Variants in BICC1 observed in about 807,000 individuals in gnomAD.
The protein encoded by BICC1 is protein bicaudal C homolog 1.
Under a neutral mutation model 111.0 loss-of-function variants are expected in BICC1, and 43 were observed. The observed-to-expected ratio is 0.39, with a 90% CI of 0.30 to 0.50. The LOEUF (loss-of-function observed/expected upper bound fraction) is 0.50, where lower values mean the gene tolerates loss of function less well. BICC1 is among the 20% of genes least tolerant of loss of function. BICC1 has a pLI of 0.88. For missense variants in BICC1, 1,091 were observed against 1,203.2 expected, an observed-to-expected ratio of 0.91 and a Z score of 1.38; for synonymous variants, 467 against 434.4, an observed-to-expected ratio of 1.07 and a Z score of -0.93.
At chr10:58,578,405 T>C (rs1432491001) in intron 1 of BICC1, among the ~76,000 whole-genome samples, 1 of 152,232 alleles carries the variant, frequency 6.6e-6, no homozygotes, top group Non-Finnish European at 1.5e-5. Flanking sequence ...ACATTGTATT[T>C]CAATACATCA....
At chr10:58,729,313 T>G (rs1841212993) in intron 3 of BICC1, among the ~76,000 whole-genome samples, 1 of 152,226 alleles carries the variant, frequency 6.6e-6, no homozygotes, top group Non-Finnish European at 1.5e-5. Flanking sequence ...ACTTGCTGCT[T>G]CACCTTGCAT....
chr10:58,594,103 A>C (rs992383331), intron 1 of BICC1, among the ~76,000 whole-genome samples: 3 of 151,842 alleles, frequency 2.0e-5, no homozygotes, highest in Non-Finnish European at 4.4e-5. Flanking sequence ...AGCCGAATCC[A>C]TCAAGCAGAA....
In BICC1 at chr10:58,600,331, A is replaced by T. The variant is rs572636359; in HGVS notation, c.191-20524A>T. Among the ~76,000 whole-genome samples the T allele has an allele frequency of 2.6e-5, 4 of 152,208 alleles. No individual in the cohort carries two copies. The South Asian group carries it at 8.3e-4, about 32-fold the overall frequency. ...CTGTTTATAGCCACTGAGTAGGTAC[A>T]GTTAAGCTGACTGCATTTTACGTGT... On this transcript the variant is annotated intron_variant, in intron 1 of 20. Transcript: ENST00000373886.
intron 1 of BICC1, among the ~76,000 whole-genome samples, chr10:58,611,120 C>A (rs1845404383): frequency 6.6e-6 from 1 of 152,158 alleles, no homozygotes; most frequent in Non-Finnish European, 1.5e-5. Flanking sequence ...ACACTGTGGG[C>A]TGAAAATAAT....
intron 3 of BICC1, among the ~76,000 whole-genome samples, chr10:58,720,897 G>T (rs1409477422): frequency 2.6e-5 from 4 of 152,172 alleles, no homozygotes; most frequent in Non-Finnish European, 5.9e-5. Context: ...CAAGGAATTG[G>T]GTGGTGGGCT....
At chr10:58,794,529 C>G (rs1335505062) in intron 9 of BICC1, among the ~76,000 whole-genome samples, 1 of 151,848 alleles carries the variant, frequency 6.6e-6, no homozygotes, top group Non-Finnish European at 1.5e-5. Context: ...GGTGGTTCTC[C>G]CACCTCAGCC....
chr10:58,811,598 C>CTT (rs1394314900), intron 17 of BICC1, among the ~76,000 whole-genome samples: 1 of 151,840 alleles, frequency 6.6e-6, no homozygotes, highest in Non-Finnish European at 1.5e-5. Context: ...TACTAAGCAC[C>CTT]TTATGTGTTC....
intron 1 of BICC1, among the ~76,000 whole-genome samples, chr10:58,611,482 T>C (rs1845417444): frequency 6.8e-6 from 1 of 147,452 alleles, no homozygotes; most frequent in African/African-American, 2.5e-5. Context: ...TGTTTCTTCT[T>C]TTTTTTTTTT....
At chr10:58,824,621 G>A (rs1235598557) in intron 20 of BICC1, among the ~76,000 whole-genome samples, 1 of 152,064 alleles carries the variant, frequency 6.6e-6, no homozygotes, top group Non-Finnish European at 1.5e-5. Flanking sequence ...TACTGTAGAT[G>A]GCCATATCTT....
intron 1 of BICC1, among the ~76,000 whole-genome samples, chr10:58,599,950 G>T (rs1197100267): frequency 1.3e-5 from 2 of 151,948 alleles, no homozygotes; most frequent in African/African-American, 4.8e-5. Context: ...GTGTGTGTGT[G>T]TGTGTCAGTG....
intron 3 of BICC1, among the ~76,000 whole-genome samples, chr10:58,707,119 C>T (rs1364080431): frequency 1.3e-5 from 2 of 152,188 alleles, no homozygotes; most frequent in African/African-American, 2.4e-5. Context: ...TAGCCATTCT[C>T]TTCCTCCCAG....
At chr10:58,525,245 A>G (rs1170018024) in intron 1 of BICC1, among the ~76,000 whole-genome samples, 4 of 114,522 alleles carry the variant, frequency 3.5e-5, no homozygotes, top group Non-Finnish European at 8.2e-5. Context: ...TCATGCTGCT[A>G]TAAAGATAAC....
chr10:58,808,710 A>T (rs1055878286), intron 17 of BICC1, among the ~76,000 whole-genome samples: 26 of 96,404 alleles, frequency 2.7e-4, no homozygotes, highest in Non-Finnish European at 3.3e-4. Context: ...AGTGATATTT[A>T]AAAAAAATTT....
At chr10:58,512,528 TA>T (rs1842113021), upstream of BICC1, among the ~76,000 whole-genome samples, 1 of 152,064 alleles carries the variant, frequency 6.6e-6, no homozygotes, top group Admixed American at 6.5e-5. Flanking sequence ...TGAGAGCATG[TA>T]GGGGGAAGAG....
intron 3 of BICC1, 78 bp downstream of exon 3, chr10:58,702,221 A>C: frequency 2.7e-6 from 3 of 1,123,166 alleles, no homozygotes. Context: ...CTGGGGAGAA[A>C]ACTAACCTTT....
rs905128626 is a variant in BICC1, at chr10:58,513,701, C to T, written c.190+368C>T. 1.3e-4 allele frequency among the ~76,000 whole-genome samples: 20 copies of T among 152,344 alleles called. 1 individual carries two copies. Among genetic ancestry groups the T allele is most frequent in the South Asian group, 2.1e-4 (1 of 4,828 alleles). On this transcript the variant is annotated intron_variant, in intron 1 of 20. Transcript: ENST00000373886. The stretch of plus-strand genomic sequence containing the variant: ...TCGGGCCGCACAGAGTATGCGTGAC[C>T]CTCCCCATTCCCTGGCAGCCTCGAG...
At chr10:58,672,710 A>G (rs1839221133) in intron 2 of BICC1, among the ~76,000 whole-genome samples, 1 of 152,182 alleles carries the variant, frequency 6.6e-6, no homozygotes, top group South Asian at 2.1e-4. Flanking sequence ...ATATAGTCTC[A>G]CACTCACCTT....
chr10:58,782,139 CTTG>C (rs1441293033), intron 3 of BICC1, among the ~76,000 whole-genome samples: 21 of 152,098 alleles, frequency 1.4e-4, no homozygotes, highest in South Asian at 4.2e-4. Context: ...TTTTATTTTG[CTTG>C]TTGTTCTGTT....
intron 3 of BICC1, among the ~76,000 whole-genome samples, chr10:58,762,386 C>T (rs1589113620): frequency 6.6e-6 from 1 of 152,068 alleles, no homozygotes; most frequent in Admixed American, 6.5e-5. Flanking sequence ...GTCAGATTTG[C>T]TGAGTACAGC....
Sources: allele counts gnomAD v4.1 joint callset (sites outside exome capture counted in the v4.1 genomes callset), GRCh38; gene constraint gnomAD v4.1.1; transcripts MANE v1.5; gene names NCBI Gene and HGNC (gene_info 2026-07-23, HGNC 2026-07-21).